Variants in SMYD3 observed in about 807,000 individuals in gnomAD.
SMYD3 encodes the protein SET and MYND domain containing 3.
A neutral mutation model predicts 57.7 loss-of-function variants in SMYD3; 36 were observed. That is an observed-to-expected ratio of 0.62 (90% CI 0.48 to 0.82). SMYD3 has a LOEUF of 0.82. Among genes scored for constraint, SMYD3 ranks in the 40% least tolerant of loss-of-function variants. The pLI is 0.00. For missense variants in SMYD3, 515 were observed against 538.8 expected, an observed-to-expected ratio of 0.96 and a Z score of 0.44; for synonymous variants, 211 against 195.0, an observed-to-expected ratio of 1.08 and a Z score of -0.68.
At position 245,876,588 on chromosome 1, in the gene SMYD3, C is replaced by T. The variant is rs145506939; in HGVS notation, c.814-12702G>A. 7.9e-4 allele frequency among the ~76,000 whole-genome samples: 121 copies of T among 152,342 alleles called. 1 individual carries two copies. In the East Asian group the frequency reaches 0.015, roughly 19 times the overall value. Reference sequence around the variant, plus strand: ...GTCTCCCATGTTCTCTGCTTTTGCACAAATAGTTTATTTACAATAGACACA... The same window carrying T: ...GTCTCCCATGTTCTCTGCTTTTGCATAAATAGTTTATTTACAATAGACACA... On this transcript the variant is annotated intron_variant, in intron 8 of 11. Transcript: ENST00000490107.
intron 1 of SMYD3, among the ~76,000 whole-genome samples, chr1:246,454,181 G>A (rs2067669238): frequency 6.6e-6 from 1 of 152,178 alleles, no homozygotes; most frequent in Admixed American, 6.5e-5. Context: ...GGATAGGTGT[G>A]CATCCATAAA....
Position 245,968,278 on chromosome 1 carries a change from C to A in SMYD3, c.532-38341G>T, listed in dbSNP as rs567733643. 2.0e-5 allele frequency among the ~76,000 whole-genome samples: 3 copies of A among 148,158 alleles called. No homozygotes were observed. The South Asian group carries it at 6.5e-4, about 32-fold the overall frequency. On this transcript the variant is annotated intron_variant, in intron 5 of 11. Coordinates refer to ENST00000490107, the MANE Select transcript of SMYD3 (RefSeq NM_001167740.2). Reference sequence around the variant, plus strand: ...TCACGTCCTTCTCATGATATAACCCCCATCTACTGAGACACTCAGTTCTCC... The same window carrying A: ...TCACGTCCTTCTCATGATATAACCCACATCTACTGAGACACTCAGTTCTCC...
At chr1:245,881,170 C>CA (rs1484600075) in intron 8 of SMYD3, among the ~76,000 whole-genome samples, 1 of 152,180 alleles carries the variant, frequency 6.6e-6, no homozygotes, top group East Asian at 1.9e-4. Context: ...AGTATACCAC[C>CA]AAACCAACAC....
chr1:245,978,874 C>G (rs1018412536), intron 5 of SMYD3, among the ~76,000 whole-genome samples: 1 of 152,168 alleles, frequency 6.6e-6, no homozygotes, highest in African/African-American at 2.4e-5. Flanking sequence ...TCCTTTCCAC[C>G]TTATTGATAA....
chr1:246,020,918 T>A (rs898879947), intron 5 of SMYD3, among the ~76,000 whole-genome samples: 1 of 152,090 alleles, frequency 6.6e-6, no homozygotes, highest in Non-Finnish European at 1.5e-5. Flanking sequence ...AACCTACATC[T>A]CCCTCTTCTT....
chr1:246,233,360 T>C (rs2063452483), intron 5 of SMYD3, among the ~76,000 whole-genome samples: 1 of 118,712 alleles, frequency 8.4e-6, no homozygotes, highest in African/African-American at 3.4e-5. Flanking sequence ...ATTCACACTG[T>C]GATGAACATA....
intron 1 of SMYD3, among the ~76,000 whole-genome samples, chr1:246,492,696 C>A (rs943968753): frequency 6.6e-6 from 1 of 152,212 alleles, no homozygotes; most frequent in Non-Finnish European, 1.5e-5. Flanking sequence ...ATCTATGATC[C>A]TCTGAGGATG....
intron 1 of SMYD3, among the ~76,000 whole-genome samples, chr1:246,421,037 T>C (rs2067135913): frequency 6.6e-6 from 1 of 152,228 alleles, no homozygotes; most frequent in Admixed American, 6.5e-5. Flanking sequence ...TATTCTTCTC[T>C]AATGTTTACA....
intron 5 of SMYD3, among the ~76,000 whole-genome samples, chr1:246,184,879 G>C (rs2062607114): frequency 6.6e-6 from 1 of 152,154 alleles, no homozygotes; most frequent in African/African-American, 2.4e-5. Context: ...TGTTTTTTAA[G>C]CCACCCAGTC....
chr1:245,991,076 A>G (rs919655964), intron 5 of SMYD3, among the ~76,000 whole-genome samples: 5 of 152,258 alleles, frequency 3.3e-5, no homozygotes, highest in African/African-American at 1.2e-4. Flanking sequence ...TTCAGTATCA[A>G]ACATTCCTCT....
In SMYD3 at chr1:245,947,075, A is replaced by G. The variant is rs139459551; in HGVS notation, c.532-17138T>C. On this transcript the variant is annotated intron_variant, in intron 5 of 11. Coordinates refer to ENST00000490107, the MANE Select transcript of SMYD3 (RefSeq NM_001167740.2). ...CGGGCTGGCCTCCACGTACTGTCAGATCGTCCACAGGAAGAATTGCTGGGG... is the reference window on the plus strand; with the variant it reads ...CGGGCTGGCCTCCACGTACTGTCAGGTCGTCCACAGGAAGAATTGCTGGGG... Among the ~76,000 whole-genome samples the G allele has an allele frequency of 4.0e-3, 605 of 152,270 alleles. 4 individuals are homozygous for G. Among genetic ancestry groups the G allele is most frequent in the African/African-American group, 0.014 (578 of 41,546 alleles).
chr1:245,999,323 G>C (rs1379945305), intron 5 of SMYD3, among the ~76,000 whole-genome samples: 3 of 152,164 alleles, frequency 2.0e-5, no homozygotes, highest in Admixed American at 1.3e-4. Context: ...ACTGCATGTA[G>C]ATAGTATTTA....
At chr1:246,352,180 T>G (rs1216372970) in intron 2 of SMYD3, among the ~76,000 whole-genome samples, 5 of 131,950 alleles carry the variant, frequency 3.8e-5, no homozygotes, top group Non-Finnish European at 6.5e-5. Context: ...GAAAGAAATG[T>G]GAATACCAAT....
In SMYD3 at chr1:246,143,595, G is replaced by A. The variant is rs180677064; in HGVS notation, c.531+183606C>T. On this transcript the variant is annotated intron_variant, in intron 5 of 11. Transcript: ENST00000490107. ...AGGTGGGAGGATCACTTGAGCCCAC[G>A]AGGTCAAGGCTGCAGTGATCCATGA... 3.5e-3 allele frequency among the ~76,000 whole-genome samples: 528 copies of A among 152,280 alleles called. 4 individuals carry two copies. Among genetic ancestry groups the A allele is most frequent in the African/African-American group, 0.012 (497 of 41,566 alleles).
At chr1:246,247,842 C>T (rs1021925915) in intron 5 of SMYD3, among the ~76,000 whole-genome samples, 1 of 152,086 alleles carries the variant, frequency 6.6e-6, no homozygotes, top group African/African-American at 2.4e-5. Flanking sequence ...GACTTTTATC[C>T]TTAAAAAATC....
chr1:245,988,178 C>T (rs558221992), intron 5 of SMYD3, among the ~76,000 whole-genome samples: 1 of 152,192 alleles, frequency 6.6e-6, no homozygotes, highest in African/African-American at 2.4e-5. Flanking sequence ...CAGGGCTACA[C>T]AAGCCTCCCC....
chr1:246,036,038 T>TA (rs1249226940), intron 5 of SMYD3, among the ~76,000 whole-genome samples: 2 of 152,178 alleles, frequency 1.3e-5, no homozygotes, highest in Admixed American at 6.5e-5. Context: ...ACGGAGCATT[T>TA]AAAAAATATA....
chr1:246,392,619 T>C (rs1400289374), intron 1 of SMYD3, among the ~76,000 whole-genome samples: 1 of 151,694 alleles, frequency 6.6e-6, no homozygotes, highest in Non-Finnish European at 1.5e-5. Flanking sequence ...AGCTAATTAT[T>C]AAATTTTTTG....
At chr1:246,237,506 A>G (rs1158165618) in intron 5 of SMYD3, among the ~76,000 whole-genome samples, 2 of 152,090 alleles carry the variant, frequency 1.3e-5, no homozygotes, top group Non-Finnish European at 2.9e-5. Context: ...ATCTCTTCAG[A>G]CTGGATTTTA....
Sources: gnomAD v4.1 joint callset for allele counts (sites outside exome capture counted in the v4.1 genomes callset) on GRCh38, gnomAD v4.1.1 for gene constraint, MANE v1.5 for transcripts, NCBI Gene and HGNC (gene_info 2026-07-23, HGNC 2026-07-21) for gene names.